YLPM1: variants seen among roughly 807,000 people sequenced by gnomAD.
YLPM1 encodes YLP motif-containing protein 1.
YLPM1 carries 99 observed loss-of-function variants against 230.0 expected under a neutral mutation model. The ratio of observed to expected loss-of-function variants is 0.43; its 90% CI spans 0.37 to 0.51. The LOEUF (loss-of-function observed/expected upper bound fraction) is 0.51, where lower values mean the gene tolerates loss of function less well. Among genes scored for constraint, YLPM1 ranks in the 20% least tolerant of loss-of-function variants. YLPM1 has a pLI of 0.00. For missense variants in YLPM1, 2,592 were observed against 2,707.7 expected (o/e 0.96, Z 0.95); for synonymous variants, 984 against 942.5 (o/e 1.04, Z -0.81).
At chr14:74,773,243 G>A (rs1028433858) in intron 1 of YLPM1, among the ~76,000 whole-genome samples, 20 of 151,966 alleles carry the variant, frequency 1.3e-4, no homozygotes, top group Non-Finnish European at 2.5e-4. Context: ...AGCCGAGATC[G>A]CGCCACTGCG....
chr14:74,775,037 A>G (rs1393162698), intron 1 of YLPM1, among the ~76,000 whole-genome samples: 2 of 152,238 alleles, frequency 1.3e-5, no homozygotes, highest in African/African-American at 4.8e-5. Flanking sequence ...AAGTTGAACC[A>G]TTGTTAAGTC....
chr14:74,827,438 A>G, intron 18 of YLPM1: 3 of 985,434 alleles, frequency 3.0e-6, no homozygotes, highest in Non-Finnish European at 3.6e-6. Flanking sequence ...ATATTTGCAC[A>G]ATAAAATTTC....
chr14:74,778,349 A>G, intron 1 of YLPM1, 98 bp from the exon 2 acceptor site: 1 of 1,031,050 alleles, frequency 9.7e-7, no homozygotes, highest in Non-Finnish European at 1.4e-6. Flanking sequence ...TTACATATAG[A>G]CACATGAACA....
At chr14:74,820,755 G>T (rs902993209) in intron 16 of YLPM1, among the ~76,000 whole-genome samples, 1 of 152,066 alleles carries the variant, frequency 6.6e-6, no homozygotes, top group Admixed American at 6.5e-5. Context: ...AAAAATACTC[G>T]TTAAAGATTT....
At chr14:74,807,853 G>A (rs2091394455) in intron 6 of YLPM1, among the ~76,000 whole-genome samples, 1 of 152,196 alleles carries the variant, frequency 6.6e-6, no homozygotes, top group Non-Finnish European at 1.5e-5. Flanking sequence ...TGTTTTTGTG[G>A]AGGAGATAGG....
chr14:74,809,832 T>C, intron 7 of YLPM1, 35 bp downstream of exon 7: 1 of 1,610,846 alleles, frequency 6.2e-7, no homozygotes, highest in East Asian at 2.2e-5. Flanking sequence ...TTTGGGATTC[T>C]ACAGGAATTG....
intron 17 of YLPM1, among the ~76,000 whole-genome samples, chr14:74,823,315 C>G (rs8021280): frequency 0.35 from 53,830 of 151,860 alleles, 11,532 homozygotes; most frequent in East Asian, 0.54. Flanking sequence ...TGAATCTGTC[C>G]TATTTACTAG....
At chr14:74,833,488 C>T (rs564729836) in intron 19 of YLPM1, among the ~76,000 whole-genome samples, 9 of 152,210 alleles carry the variant, frequency 5.9e-5, no homozygotes, top group South Asian at 4.1e-4. Flanking sequence ...CCTAGGCTGA[C>T]GTGATCTGCC....
intron 10 of YLPM1, 53 bp downstream of exon 10, chr14:74,811,791 G>A (rs2140127702): frequency 2.5e-6 from 3 of 1,201,120 alleles, no homozygotes; most frequent in Non-Finnish European, 3.5e-6. Flanking sequence ...AAGCATGGGA[G>A]ATGCTTTCCA....
chr14:74,832,041 A>G (rs2091611683), intron 19 of YLPM1, among the ~76,000 whole-genome samples: 2 of 152,208 alleles, frequency 1.3e-5, no homozygotes, highest in Non-Finnish European at 1.5e-5. Flanking sequence ...CTGAATTTGT[A>G]TATTTTAGAA....
intron 15 of YLPM1, among the ~76,000 whole-genome samples, 175 bp downstream of exon 15, chr14:74,817,452 C>T (rs1302173592): frequency 2.0e-5 from 3 of 152,226 alleles, no homozygotes; most frequent in East Asian, 3.9e-4. Flanking sequence ...TTGCAGTTGC[C>T]TACAGTATTC....
intron 4 of YLPM1, among the ~76,000 whole-genome samples, chr14:74,790,583 T>C (rs2091196413): frequency 1.3e-5 from 2 of 152,130 alleles, no homozygotes; most frequent in Admixed American, 6.5e-5. Context: ...TTATACCTAG[T>C]TTTAGGGGTT....
chr14:74,782,588 G>A (rs563252083), intron 4 of YLPM1, among the ~76,000 whole-genome samples: 2 of 152,112 alleles, frequency 1.3e-5, no homozygotes, highest in South Asian at 4.1e-4. Flanking sequence ...TAATCATTTT[G>A]TATTGACTTA....
At chr14:74,766,309 C>T (rs917123251) in intron 1 of YLPM1, among the ~76,000 whole-genome samples, 1 of 152,050 alleles carries the variant, frequency 6.6e-6, no homozygotes, top group Admixed American at 6.6e-5. Flanking sequence ...ATTTATTATT[C>T]TTTGATTCAT....
chr14:74,822,495 G>T (rs1240221812), intron 17 of YLPM1, among the ~76,000 whole-genome samples: 1 of 152,130 alleles, frequency 6.6e-6, no homozygotes, highest in Non-Finnish European at 1.5e-5. Context: ...ATTCTACCCT[G>T]CTGGATTATC....
intron 16 of YLPM1, among the ~76,000 whole-genome samples, chr14:74,819,290 T>TTTA (rs1384954918): frequency 6.6e-6 from 1 of 150,692 alleles, no homozygotes; most frequent in East Asian, 1.9e-4. Flanking sequence ...TTTTTTTTTT[T>TTTA]TTGAGGTGGA....
chr14:74,769,949 T>TC (rs1566736232), intron 1 of YLPM1, among the ~76,000 whole-genome samples: 1 of 140,944 alleles, frequency 7.1e-6, no homozygotes, highest in African/African-American at 2.6e-5. Flanking sequence ...TTGGGAGGCC[T>TC]AGGCGGGCAG....
At chr14:74,809,012 C>G (rs2091407245) in intron 6 of YLPM1, among the ~76,000 whole-genome samples, 1 of 151,860 alleles carries the variant, frequency 6.6e-6, no homozygotes, top group East Asian at 1.9e-4. Flanking sequence ...TTTGTGTTTC[C>G]CTAATGACTA....
chr14:74,829,083 G>A, intron 18 of YLPM1, 130 bp from the exon 19 acceptor site: 1 of 1,023,432 alleles, frequency 9.8e-7, no homozygotes, highest in Non-Finnish European at 1.4e-6. Context: ...GTTTGGATCT[G>A]CAAGTGATGC....
Sources: gnomAD v4.1 joint callset for allele counts (sites outside exome capture counted in the v4.1 genomes callset) on GRCh38, gnomAD v4.1.1 for gene constraint, MANE v1.5 for transcripts, NCBI Gene and HGNC (gene_info 2026-07-23, HGNC 2026-07-21) for gene names.